The following CDK6 variants were observed in gnomAD, a reference collection of about 807,000 sequenced individuals.
CDK6 encodes cyclin dependent kinase 6, also known as cyclin-dependent kinase 6.
CDK6 carries 6 observed loss-of-function variants against 37.1 expected under a neutral mutation model. That is an observed-to-expected ratio of 0.16 (90% CI 0.09 to 0.32). CDK6 has a LOEUF of 0.32. CDK6 is among the 10% of genes least tolerant of loss of function. The pLI is 1.00. For synonymous variants in CDK6, 160 were observed against 161.3 expected, an observed-to-expected ratio of 0.99 and a Z score of 0.06; for missense variants, 224 against 418.9, an observed-to-expected ratio of 0.53 and a Z score of 4.06.
intron 2 of CDK6, among the ~76,000 whole-genome samples, chr7:92,816,495 G>A (rs1801033033): frequency 6.6e-6 from 1 of 151,954 alleles, no homozygotes; most frequent in Admixed American, 6.6e-5. Context: ...TAGACAGAAA[G>A]AAATTAGAAA....
chr7:92,629,620 T>C (rs1401212472), intron 5 of CDK6, among the ~76,000 whole-genome samples: 1 of 152,124 alleles, frequency 6.6e-6, no homozygotes, highest in Non-Finnish European at 1.5e-5. Flanking sequence ...TTCTAATCAC[T>C]ATGACAAAAA....
intron 3 of CDK6, among the ~76,000 whole-genome samples, chr7:92,764,690 T>C (rs899365817): frequency 6.6e-6 from 1 of 152,342 alleles, no homozygotes; most frequent in Non-Finnish European, 1.5e-5. Flanking sequence ...CAGATTCTCA[T>C]AACTGGCACT....
intron 2 of CDK6, among the ~76,000 whole-genome samples, chr7:92,780,763 C>CAA (rs1190033630): frequency 3.2e-3 from 152 of 47,698 alleles, no homozygotes; most frequent in African/African-American, 9.3e-3. Context: ...GACTCCATCT[C>CAA]AAAAAAAAAA....
At chr7:92,671,640 C>A in intron 4 of CDK6, 105 bp from the exon 5 acceptor site, 1 of 541,410 alleles carries the variant, frequency 1.8e-6, no homozygotes, top group South Asian at 3.5e-5. Flanking sequence ...AGAAAGAACT[C>A]CTATAAATCA....
chr7:92,613,913 T>C lies in CDK6; in HGVS notation c.*1227A>G, dbSNP rs1425929755. 4.3e-6 allele frequency: 1 copy of C among 233,126 alleles called. No homozygotes were observed. Among genetic ancestry groups the C allele is most frequent in the East Asian group, 6.0e-5 (1 of 16,574 alleles). 14.4% of individuals were successfully genotyped at this position (233,126 alleles called of 1,614,324 possible). A position where few individuals can be genotyped will look rare whatever the true frequency, so the allele number is the denominator to read the frequency against. On this transcript the variant is annotated 3_prime_UTR_variant, in exon 8 of 8. Transcript: ENST00000424848. ...ACCATAAGCTGAGACTGCGAATTTA[T>C]GAAAGGTTCATTGAAAGCAAGCAAA... is the stretch of plus-strand genomic sequence containing the variant.
At chr7:92,781,448 C>T (rs1409569867) in intron 2 of CDK6, among the ~76,000 whole-genome samples, 1 of 152,260 alleles carries the variant, frequency 6.6e-6, no homozygotes, top group Non-Finnish European at 1.5e-5. Flanking sequence ...TTAACTTGCT[C>T]TTCTGGAACT....
At chr7:92,754,318 T>A (rs527417807) in intron 3 of CDK6, among the ~76,000 whole-genome samples, 2 of 152,192 alleles carry the variant, frequency 1.3e-5, no homozygotes, top group Admixed American at 6.5e-5. Flanking sequence ...CCTGTACTCA[T>A]TAGTATTGAT....
intron 2 of CDK6, among the ~76,000 whole-genome samples, chr7:92,780,761 C>A (rs1372367744): frequency 8.6e-5 from 11 of 127,586 alleles, no homozygotes; most frequent in Admixed American, 6.7e-4. Context: ...GAGACTCCAT[C>A]TCAAAAAAAA....
chr7:92,707,446 T>C (rs1040132179), intron 4 of CDK6, among the ~76,000 whole-genome samples: 1 of 152,158 alleles, frequency 6.6e-6, no homozygotes, highest in Non-Finnish European at 1.5e-5. Context: ...AGCAATGTTT[T>C]TCAAAAAAAT....
At chr7:92,775,113 T>C (rs1799817014) in intron 2 of CDK6, among the ~76,000 whole-genome samples, 1 of 152,214 alleles carries the variant, frequency 6.6e-6, no homozygotes, top group Non-Finnish European at 1.5e-5. Flanking sequence ...GAGAGTTTCC[T>C]TAGTTAGGAC....
chr7:92,646,385 TTTTTTC>T lies in CDK6; in HGVS notation c.648-23305_648-23300del, dbSNP rs1203926186. ...GATTGTAAGCACCTGGTAGGTTTTC[TTTTTTC>T]TTTTTCTTTTTCTTTTTTTTTTTTG... is the stretch of plus-strand genomic sequence containing the variant. On this transcript the variant is annotated intron_variant, in intron 5 of 7. Coordinates refer to ENST00000424848, the MANE Select transcript of CDK6 (RefSeq NM_001145306.2). Among the ~76,000 whole-genome samples the T allele has an allele frequency of 5.4e-4, 82 of 151,138 alleles. 1 individual carries two copies. The East Asian group carries it at 5.5e-3, about 10-fold the overall frequency.
At chr7:92,662,620 GGGGACA>G (rs1355053899) in intron 5 of CDK6, among the ~76,000 whole-genome samples, 3 of 152,110 alleles carry the variant, frequency 2.0e-5, no homozygotes, top group Non-Finnish European at 2.9e-5. Flanking sequence ...GTATAGGCTG[GGGGACA>G]GGGAGAGTGC....
At chr7:92,773,341 A>C (rs535421137) in intron 3 of CDK6, among the ~76,000 whole-genome samples, 302 of 152,348 alleles carry the variant, frequency 2.0e-3, no homozygotes, top group Non-Finnish European at 3.5e-3. Flanking sequence ...TAGCCTGGTG[A>C]GAAGGAGCAA....
chr7:92,709,607 A>C (rs1798040538), intron 4 of CDK6, among the ~76,000 whole-genome samples: 1 of 152,224 alleles, frequency 6.6e-6, no homozygotes, highest in Admixed American at 6.5e-5. Flanking sequence ...ACTGAATATT[A>C]CTTTTAATCA....
At chr7:92,633,361 T>C (rs896910454) in intron 5 of CDK6, among the ~76,000 whole-genome samples, 10 of 152,100 alleles carry the variant, frequency 6.6e-5, no homozygotes, top group Admixed American at 6.6e-4. Context: ...AACAGACCTA[T>C]TTGAATAGGG....
At chr7:92,811,893 C>A (rs1448138808) in intron 2 of CDK6, among the ~76,000 whole-genome samples, 1 of 152,186 alleles carries the variant, frequency 6.6e-6, no homozygotes, top group African/African-American at 2.4e-5. Context: ...CAGCTCATGT[C>A]TGTAATCCCA....
intron 2 of CDK6, among the ~76,000 whole-genome samples, chr7:92,787,209 A>T (rs1800166652): frequency 6.6e-6 from 1 of 151,136 alleles, no homozygotes; most frequent in Admixed American, 6.6e-5. Flanking sequence ...AAAAAAAAAA[A>T]TGTAGCCAGT....
intron 2 of CDK6, among the ~76,000 whole-genome samples, chr7:92,781,183 G>A (rs367918945): frequency 2.0e-5 from 3 of 152,300 alleles, no homozygotes; most frequent in African/African-American, 7.2e-5. Context: ...TCCAAAAAAG[G>A]CAGATAGGTC....
intron 4 of CDK6, 38 bp downstream of exon 4, chr7:92,725,588 A>C: frequency 6.3e-7 from 1 of 1,582,036 alleles, no homozygotes; most frequent in South Asian, 1.1e-5. Context: ...AAAATAGGAA[A>C]AATAAGTTTA....
Sources: gnomAD v4.1 joint callset for allele counts (sites outside exome capture counted in the v4.1 genomes callset) on GRCh38, gnomAD v4.1.1 for gene constraint, MANE v1.5 for transcripts, NCBI Gene and HGNC (gene_info 2026-07-23, HGNC 2026-07-21) for gene names.